The following NEGR1 variants were observed in gnomAD, a reference collection of about 807,000 sequenced individuals.
NEGR1 encodes the protein neuronal growth regulator 1.
Under a neutral mutation model 40.9 loss-of-function variants are expected in NEGR1, and 10 were observed. That is an observed-to-expected ratio of 0.24 (90% CI 0.15 to 0.42). The LOEUF (loss-of-function observed/expected upper bound fraction) is 0.42. Among genes scored for constraint, NEGR1 ranks in the 10% least tolerant of loss-of-function variants. The pLI, the probability that NEGR1 is intolerant of heterozygous loss-of-function variation, is 1.00. For missense variants in NEGR1, 352 were observed against 438.9 expected (o/e 0.80, Z 1.77); for synonymous variants, 185 against 166.8 (o/e 1.11, Z -0.84).
At chr1:71,908,020 G>A (rs1233809324) in intron 2 of NEGR1, among the ~76,000 whole-genome samples, 1 of 151,964 alleles carries the variant, frequency 6.6e-6, no homozygotes, top group East Asian at 1.9e-4. Flanking sequence ...AGAAAGGAGG[G>A]GAGCAAGGTT....
chr1:72,135,095 G>A (rs115924701), intron 1 of NEGR1, among the ~76,000 whole-genome samples: 3,312 of 149,840 alleles, frequency 0.022, 132 homozygotes, highest in African/African-American at 0.076. Flanking sequence ...AATAACTTTC[G>A]GCCGGGCGTG....
intron 6 of NEGR1, among the ~76,000 whole-genome samples, chr1:71,548,593 CA>C (rs1647976463): frequency 6.6e-6 from 1 of 151,670 alleles, no homozygotes; most frequent in Non-Finnish European, 1.5e-5. Flanking sequence ...AATCATGTGT[CA>C]AGATGTTGTT....
intron 6 of NEGR1, among the ~76,000 whole-genome samples, chr1:71,578,309 A>C (rs936175769): frequency 4.6e-5 from 7 of 152,150 alleles, no homozygotes; most frequent in African/African-American, 1.7e-4. Flanking sequence ...ACTAACATGC[A>C]AAGGCAAGTT....
At chr1:71,635,589 T>C (rs1557595160) in intron 4 of NEGR1, among the ~76,000 whole-genome samples, 2 of 152,106 alleles carry the variant, frequency 1.3e-5, no homozygotes, top group East Asian at 1.9e-4. Flanking sequence ...CTTGGGTTTG[T>C]GGCTAGCACA....
chr1:71,524,245 TCTAA>T (rs1244759408), intron 6 of NEGR1, among the ~76,000 whole-genome samples: 2 of 151,648 alleles, frequency 1.3e-5, no homozygotes, highest in Non-Finnish European at 2.9e-5. Context: ...AGATGCCTTC[TCTAA>T]CTATCAGTGG....
At chr1:72,253,962 A>G (rs1227674566) in intron 1 of NEGR1, among the ~76,000 whole-genome samples, 1 of 152,204 alleles carries the variant, frequency 6.6e-6, no homozygotes, top group Non-Finnish European at 1.5e-5. Context: ...ACAGGTAATA[A>G]AATAAAATGT....
chr1:71,611,745 A>AT (rs1316048238), intron 4 of NEGR1, among the ~76,000 whole-genome samples: 5 of 151,946 alleles, frequency 3.3e-5, no homozygotes, highest in East Asian at 3.9e-4. Context: ...TAATTTAGTG[A>AT]TTTTTTCTTT....
At chr1:71,511,574 A>C (rs1405318877) in intron 6 of NEGR1, among the ~76,000 whole-genome samples, 2 of 152,226 alleles carry the variant, frequency 1.3e-5, no homozygotes, top group African/African-American at 4.8e-5. Context: ...AGACTTCCCT[A>C]GAAGTTCCAC....
chr1:72,025,687 T>C (rs1029045350), intron 1 of NEGR1, among the ~76,000 whole-genome samples: 11 of 152,190 alleles, frequency 7.2e-5, no homozygotes, highest in Non-Finnish European at 1.5e-4. Context: ...AAAGCATCTG[T>C]TGAATTCAGA....
intron 1 of NEGR1, among the ~76,000 whole-genome samples, chr1:72,213,407 T>C (rs905511599): frequency 1.3e-5 from 2 of 151,948 alleles, no homozygotes; most frequent in South Asian, 4.1e-4. Context: ...GACATAGTGA[T>C]AAATTATGCA....
intron 4 of NEGR1, among the ~76,000 whole-genome samples, chr1:71,636,403 G>T (rs537601046): frequency 2.0e-5 from 3 of 151,926 alleles, no homozygotes; most frequent in African/African-American, 7.2e-5. Flanking sequence ...TCACAAAATG[G>T]CAGAAACATT....
intron 4 of NEGR1, among the ~76,000 whole-genome samples, chr1:71,671,050 A>G (rs140549628): frequency 6.6e-6 from 1 of 152,168 alleles, no homozygotes; most frequent in Non-Finnish European, 1.5e-5. Context: ...GTGAAATTTT[A>G]ATATGCGAAT....
chr1:72,139,255 G>GA (rs77435105), intron 1 of NEGR1, among the ~76,000 whole-genome samples: 1,104 of 98,916 alleles, frequency 0.011, 10 homozygotes, highest in African/African-American at 0.026. Flanking sequence ...CAGAAAAAGC[G>GA]AAAAAAAAAA....
intron 2 of NEGR1, among the ~76,000 whole-genome samples, chr1:71,855,850 C>T (rs967383305): frequency 1.3e-5 from 2 of 151,716 alleles, no homozygotes; most frequent in Non-Finnish European, 2.9e-5. Context: ...TTCTGAGCAC[C>T]TTATGTTGGA....
intron 3 of NEGR1, among the ~76,000 whole-genome samples, chr1:71,764,413 CTCTT>C (rs1369671187): frequency 6.6e-6 from 1 of 152,182 alleles, no homozygotes; most frequent in East Asian, 1.9e-4. Context: ...TAGACATTCT[CTCTT>C]TACTTTTTTT....
In NEGR1 at chr1:71,664,877, A is replaced by G. The variant is rs139986201; in HGVS notation, c.667+33131T>C. Among the ~76,000 whole-genome samples, 598 of 152,294 alleles carry G rather than the reference A, an allele frequency of 3.9e-3. 2 individuals are homozygous for G. Among genetic ancestry groups the G allele is most frequent in the Non-Finnish European group, 7.2e-3 (487 of 68,004 alleles). ...GCTGCCATTTGGACTTACTTTATCT[A>G]GAGAAATGTAAGTTTCTGGGGTAGA... is the stretch of plus-strand genomic sequence containing the variant. On this transcript the variant is annotated intron_variant, in intron 4 of 6. Transcript: ENST00000357731.
intron 1 of NEGR1, among the ~76,000 whole-genome samples, chr1:71,977,153 T>A (rs564028795): frequency 2.6e-5 from 4 of 152,130 alleles, no homozygotes; most frequent in African/African-American, 9.6e-5. Flanking sequence ...TGAAACCCTG[T>A]CTCCACTAAA....
chr1:71,935,114 G>T lies in NEGR1; in HGVS notation c.374C>A (p.Thr125Lys), dbSNP rs569302492. The T allele has an allele frequency of 1.4e-5, 23 of 1,612,330 alleles. No individual in the cohort carries two copies. The East Asian group carries it at 5.1e-4, about 36-fold the overall frequency. ...TAGATGCACCTGCATTGTTCTGGGTGTATGTTGAGTCTGAACAGAACACGT... is the reference window on the plus strand; with the variant it reads ...TAGATGCACCTGCATTGTTCTGGGTTTATGTTGAGTCTGAACAGAACACGT... ...PYTCSVQTQH[T>K]PRTMQVHLTV... The change falls in exon 2 of 7, where the codon ACA (threonine) becomes AAA (lysine). Residue 125 changes from threonine to lysine, a missense_variant. Transcript: ENST00000357731.
intron 4 of NEGR1, among the ~76,000 whole-genome samples, chr1:71,639,581 C>T (rs1198264422): frequency 6.6e-6 from 1 of 152,078 alleles, no homozygotes; most frequent in Non-Finnish European, 1.5e-5. Flanking sequence ...GAAGGTGAGG[C>T]ATAGTCCTTG....
Sources: allele counts gnomAD v4.1 joint callset (sites outside exome capture counted in the v4.1 genomes callset), GRCh38; gene constraint gnomAD v4.1.1; transcripts MANE v1.5; gene names NCBI Gene and HGNC (gene_info 2026-07-23, HGNC 2026-07-21).